Variants in ADCY5 observed in about 807,000 individuals in gnomAD.
The protein encoded by ADCY5 is adenylate cyclase type 5.
ADCY5 carries 30 observed loss-of-function variants against 119.7 expected under a neutral mutation model. The ratio of observed to expected loss-of-function variants is 0.25; its 90% CI spans 0.19 to 0.34. The LOEUF (loss-of-function observed/expected upper bound fraction) is 0.34. ADCY5 is among the 10% of genes least tolerant of loss of function. ADCY5 has a pLI of 1.00. For missense variants in ADCY5, 1,324 were observed against 1,775.2 expected, an observed-to-expected ratio of 0.75 and a Z score of 4.57; for synonymous variants, 753 against 762.2, an observed-to-expected ratio of 0.99 and a Z score of 0.20.
At chr3:123,435,388 A>G (rs1191316355) in intron 1 of ADCY5, among the ~76,000 whole-genome samples, 1 of 152,230 alleles carries the variant, frequency 6.6e-6, no homozygotes, top group Non-Finnish European at 1.5e-5. Flanking sequence ...TAGTAGCGCC[A>G]AAACTAGAGA....
At chr3:123,439,926 CTCTGTT>C (rs1469211403) in intron 1 of ADCY5, among the ~76,000 whole-genome samples, 1 of 152,194 alleles carries the variant, frequency 6.6e-6, no homozygotes, top group Non-Finnish European at 1.5e-5. Flanking sequence ...GGCAACAGCT[CTCTGTT>C]TCTAAGAAGG....
chr3:123,353,609 C>T (rs762851246), intron 1 of ADCY5, among the ~76,000 whole-genome samples: 3 of 152,300 alleles, frequency 2.0e-5, no homozygotes, highest in East Asian at 1.9e-4. Flanking sequence ...AGCCGCTGCA[C>T]CTTCTGCTGT....
chr3:123,382,538 A>AATG, intron 1 of ADCY5, among the ~76,000 whole-genome samples: 1 of 152,378 alleles, frequency 6.6e-6, no homozygotes, highest in Non-Finnish European at 1.5e-5. Flanking sequence ...ATGTCAGATG[A>AATG]ATGAATAGAT....
At chr3:123,371,781 C>T (rs1241067571) in intron 1 of ADCY5, among the ~76,000 whole-genome samples, 2 of 151,276 alleles carry the variant, frequency 1.3e-5, no homozygotes, top group Non-Finnish European at 3.0e-5. Flanking sequence ...CCTGATTGTC[C>T]CCCACCCCCA....
At chr3:123,388,760 C>T (rs1429296158) in intron 1 of ADCY5, among the ~76,000 whole-genome samples, 1 of 152,112 alleles carries the variant, frequency 6.6e-6, no homozygotes, top group Non-Finnish European at 1.5e-5. Flanking sequence ...GTGAAGGAGA[C>T]CCATCATGTG....
At chr3:123,435,479 T>C (rs1014455782) in intron 1 of ADCY5, among the ~76,000 whole-genome samples, 3 of 152,270 alleles carry the variant, frequency 2.0e-5, no homozygotes, top group East Asian at 1.9e-4. Flanking sequence ...GAGTCCTCCA[T>C]TGACCAAGAG....
At chr3:123,447,357 C>T in intron 1 of ADCY5, 55 bp downstream of exon 1, 1 of 1,442,160 alleles carries the variant, frequency 6.9e-7, no homozygotes, top group Non-Finnish European at 9.2e-7. Context: ...CTTTGGAGTC[C>T]AGCTGAGGCC....
intron 1 of ADCY5, among the ~76,000 whole-genome samples, chr3:123,408,248 G>T (rs543651299): frequency 6.6e-6 from 1 of 152,030 alleles, no homozygotes; most frequent in Admixed American, 6.6e-5. Context: ...TTTCAGTGTC[G>T]TTATGAGAAT....
At chr3:123,301,607 T>C (rs1025205317) in intron 14 of ADCY5, among the ~76,000 whole-genome samples, 1 of 152,070 alleles carries the variant, frequency 6.6e-6, no homozygotes, top group Non-Finnish European at 1.5e-5. Flanking sequence ...AGGGAGGTGG[T>C]CAGCTGGTGG....
At chr3:123,426,360 G>T (rs1047503750) in intron 1 of ADCY5, among the ~76,000 whole-genome samples, 17 of 144,032 alleles carry the variant, frequency 1.2e-4, no homozygotes, top group South Asian at 2.2e-4. Context: ...GTCTTGCCCT[G>T]TCACCCAGGC....
At chr3:123,321,427 C>G (rs527368934) in intron 8 of ADCY5, among the ~76,000 whole-genome samples, 1 of 152,074 alleles carries the variant, frequency 6.6e-6, no homozygotes, top group Non-Finnish European at 1.5e-5. Flanking sequence ...GGGCCCTTAC[C>G]GGCTGTCAAA....
intron 3 of ADCY5, among the ~76,000 whole-genome samples, chr3:123,345,773 C>CACAGACACACAG: frequency 1.3e-5 from 1 of 76,808 alleles, no homozygotes; most frequent in Admixed American, 1.4e-4. Flanking sequence ...CAGACAGACA[C>CACAGACACACAG]ACACACACAC....
intron 1 of ADCY5, among the ~76,000 whole-genome samples, chr3:123,426,308 T>TGTTC (rs1398063244): frequency 2.9e-4 from 3 of 10,334 alleles, no homozygotes; most frequent in African/African-American, 4.4e-4. Flanking sequence ...TGTTTTTTTT[T>TGTTC]TGTTTGTTTT....
chr3:123,396,779 A>C (rs35100974), intron 1 of ADCY5, among the ~76,000 whole-genome samples: 16,691 of 67,950 alleles, frequency 0.25, 2,360 homozygotes, highest in East Asian at 0.42. Flanking sequence ...GGAAGGAAGG[A>C]AGGCAGGCAG....
rs552459992 is a variant in ADCY5 at position 123,418,485 on chromosome 3, T to C, written c.1134+28927A>G. 2.6e-5 allele frequency among the ~76,000 whole-genome samples: 4 copies of C among 152,360 alleles called. No homozygotes were observed. The South Asian group carries it at 8.3e-4, about 32-fold the overall frequency. ...CTGCTCTGCTTCTGCAGAAGGCTTT[T>C]CATGCTGTGTCACAACATGGCAAAG... On this transcript the variant is annotated intron_variant, in intron 1 of 20. Coordinates refer to ENST00000462833, the MANE Select transcript of ADCY5 (RefSeq NM_183357.3).
chr3:123,372,497 G>A (rs1943675280), intron 1 of ADCY5, among the ~76,000 whole-genome samples: 1 of 152,194 alleles, frequency 6.6e-6, no homozygotes, highest in Non-Finnish European at 1.5e-5. Context: ...CCTTCCCAGA[G>A]GGAAAAAGCC....
At position 123,352,027 on chromosome 3, in the gene ADCY5, G is replaced by T. The variant is rs910960203; in HGVS notation, c.1284+405C>A. The stretch of plus-strand genomic sequence containing the variant: ...TCTTCTTCTCCCTCATCCCTCCCCT[G>T]CGGAGCACCTTAATCCCAGTTAGGA... On this transcript the variant is annotated intron_variant, in intron 2 of 20. Coordinates refer to ENST00000462833, the MANE Select transcript of ADCY5 (RefSeq NM_183357.3). The surrounding 1 kb of genome is among the most constrained non-coding windows in gnomAD (Gnocchi z 4.8). 2.0e-5 allele frequency among the ~76,000 whole-genome samples: 3 copies of T among 152,186 alleles called. No homozygotes were observed. The South Asian group carries it at 6.2e-4, about 31-fold the overall frequency.
intron 1 of ADCY5, among the ~76,000 whole-genome samples, chr3:123,396,517 AAGAG>A (rs199564145): frequency 2.2e-5 from 3 of 135,728 alleles, no homozygotes; most frequent in Admixed American, 1.5e-4. Context: ...GAAAGAAAGA[AAGAG>A]AGAGAGAAAG....
At chr3:123,391,892 C>T (rs1425988307) in intron 1 of ADCY5, among the ~76,000 whole-genome samples, 1 of 152,200 alleles carries the variant, frequency 6.6e-6, no homozygotes, top group Non-Finnish European at 1.5e-5. Context: ...CTCTCCTCCA[C>T]CAAGCTCCCA....
Sources: allele counts gnomAD v4.1 joint callset (sites outside exome capture counted in the v4.1 genomes callset), GRCh38; gene constraint gnomAD v4.1.1; non-coding constraint Gnocchi (gnomAD v3.1); transcripts MANE v1.5; gene names NCBI Gene and HGNC (gene_info 2026-07-23, HGNC 2026-07-21).